AKR1C4: variants seen among roughly 807,000 people sequenced by gnomAD.
The protein encoded by AKR1C4 is 3-alpha-HSD1.
In AKR1C4, 44 loss-of-function variants were observed where a neutral mutation model predicts 41.0. That is an observed-to-expected ratio of 1.07 (90% CI 0.84 to 1.38). AKR1C4 has a LOEUF of 1.38. Ranked by LOEUF, AKR1C4 falls within the 40% of genes most tolerant of loss-of-function variation. The probability of loss-of-function intolerance (pLI) is 0.00; values close to 1 mark genes in which losing one functional copy is unlikely to be tolerated. For synonymous variants in AKR1C4, 165 were observed against 137.7 expected (o/e 1.20, Z -1.39); for missense variants, 438 against 387.9 (o/e 1.13, Z -1.09).
intron 8 of AKR1C4, among the ~76,000 whole-genome samples, chr10:5,217,571 C>A (rs2132143466): frequency 6.6e-6 from 1 of 152,234 alleles, no homozygotes; most frequent in Non-Finnish European, 1.5e-5. Context: ...ACCAGCCTGG[C>A]CAAAATGGCA....
At chr10:5,211,788 A>G (rs972752313) in intron 5 of AKR1C4, among the ~76,000 whole-genome samples, 14 of 152,152 alleles carry the variant, frequency 9.2e-5, no homozygotes, top group Non-Finnish European at 1.6e-4. Flanking sequence ...AAGAGTGGGG[A>G]AAAAGGGGAG....
intron 2 of AKR1C4, among the ~76,000 whole-genome samples, chr10:5,204,030 T>A (rs1025417600): frequency 1.3e-5 from 2 of 152,224 alleles, no homozygotes; most frequent in East Asian, 3.8e-4. Flanking sequence ...TGCTCTTCAG[T>A]TTCTAAACAG....
chr10:5,204,414 C>T lies in AKR1C4; in HGVS notation c.290C>T (p.Pro97Leu), dbSNP rs781961888. ...CTFFQPQMVQ[P>L]ALESSLKKLQ... ...TTCTTTCAACCACAGATGGTCCAAC[C>T]AGCCTTGGAAAGCTCACTGAAAAAA... The change falls in exon 3 of 9, where the codon CCA becomes CTA. Residue 97 changes from proline to leucine, a missense_variant. By Grantham distance (98) the Pro-to-Leu change is moderately conservative (BLOSUM62 -3). Transcript: ENST00000263126. 1.9e-6 allele frequency: 3 copies of T among 1,613,914 alleles called. No homozygotes were observed. Among genetic ancestry groups the T allele is most frequent in the Non-Finnish European group, 1.7e-6 (2 of 1,179,880 alleles).
At chr10:5,216,994 G>A (rs546156590) in intron 8 of AKR1C4, among the ~76,000 whole-genome samples, 1 of 152,284 alleles carries the variant, frequency 6.6e-6, no homozygotes, top group East Asian at 1.9e-4. Flanking sequence ...GTCAGCATCG[G>A]TCAACCTGTG....
intron 4 of AKR1C4, 76 bp from the exon 5 acceptor site, chr10:5,206,199 T>C: frequency 6.2e-7 from 1 of 1,600,848 alleles, no homozygotes. Context: ...GTTGTTGCTT[T>C]AACAGTTCTG....
At chr10:5,206,452 T>C in intron 5 of AKR1C4, 55 bp downstream of exon 5, 2 of 1,609,322 alleles carry the variant, frequency 1.2e-6, no homozygotes, top group South Asian at 2.2e-5. Flanking sequence ...CTTCCTGTCC[T>C]ACTGCCTGGC....
chr10:5,200,608 T>A (rs529736208), intron 2 of AKR1C4, among the ~76,000 whole-genome samples: 1 of 152,344 alleles, frequency 6.6e-6, no homozygotes, highest in Non-Finnish European at 1.5e-5. Flanking sequence ...ATTTTATGAA[T>A]TCATATTTTA....
In AKR1C4 at chr10:5,213,135, G is replaced by A. The variant is rs888966582; in HGVS notation, c.822G>A (p.Glu274=). Residue 274 remains glutamate, a synonymous_variant, in exon 7 of 9, where the codon GAG becomes GAA. Coordinates refer to ENST00000263126, the MANE Select transcript of AKR1C4 (RefSeq NM_001818.5). ...GVVVLAKSYN[E]QRIRENIQVF... ...TGGTCCTGGCCAAGAGCTACAATGA[G>A]CAGCGGATCAGAGAGAACATCCAGG... is the stretch of plus-strand genomic sequence containing the variant. 6.2e-7 allele frequency: 1 copy of A among 1,613,956 alleles called. No individual in the cohort carries two copies. The highest frequency in any genetic ancestry group is 8.5e-7 in the Non-Finnish European group (1 of 1,180,026).
At chr10:5,211,955 T>C (rs1402942984) in intron 5 of AKR1C4, among the ~76,000 whole-genome samples, 1 of 152,150 alleles carries the variant, frequency 6.6e-6, no homozygotes, top group South Asian at 2.1e-4. Context: ...GAGAGACTTA[T>C]TCACTATCAT....
chr10:5,206,192 G>T (rs894961386), intron 4 of AKR1C4, 83 bp from the exon 5 acceptor site: 1 of 1,591,244 alleles, frequency 6.3e-7, no homozygotes, highest in Non-Finnish European at 8.6e-7. Flanking sequence ...CTTAACAGTT[G>T]TTGCTTTAAC....
intron 7 of AKR1C4, 55 bp downstream of exon 7, chr10:5,213,214 T>C: frequency 6.3e-7 from 1 of 1,598,754 alleles, no homozygotes; most frequent in Non-Finnish European, 8.5e-7. Context: ...ACACGTGTGC[T>C]TCTTGTAAGG....
intron 8 of AKR1C4, 141 bp from the exon 9 acceptor site, chr10:5,218,577 A>G: frequency 1.7e-6 from 1 of 597,740 alleles, no homozygotes; most frequent in Non-Finnish European, 2.9e-6. Flanking sequence ...ACTCATGTTC[A>G]TGAAAGACAT....
chr10:5,204,427 C>T lies in AKR1C4; in HGVS notation c.303C>T (p.Ser101=). 6.2e-7 allele frequency: 1 copy of T among 1,614,046 alleles called. No individual in the cohort carries two copies. Among genetic ancestry groups the T allele is most frequent in the Middle Eastern group, 1.7e-4 (1 of 6,060 alleles). Residue 101 remains serine (S), a synonymous_variant, in exon 3 of 9, where the codon AGC becomes AGT. Coordinates refer to ENST00000263126, the MANE Select transcript of AKR1C4 (RefSeq NM_001818.5). The part of the protein sequence containing the change: ...QPQMVQPALE[S]SLKKLQLDYV... ...AGATGGTCCAACCAGCCTTGGAAAG[C>T]TCACTGAAAAAACTTCAACTGGACT...
chr10:5,197,440 A>G (rs1179528761), intron 1 of AKR1C4, among the ~76,000 whole-genome samples: 1 of 152,230 alleles, frequency 6.6e-6, no homozygotes, highest in East Asian at 1.9e-4. Context: ...CTTGAGCATG[A>G]CACAGTAATA....
At chr10:5,218,360 A>T (rs888786045) in intron 8 of AKR1C4, among the ~76,000 whole-genome samples, 3 of 152,204 alleles carry the variant, frequency 2.0e-5, no homozygotes, top group Non-Finnish European at 4.4e-5. Context: ...TAGCTGGCTT[A>T]TTTCTATTCA....
At chr10:5,200,783 T>G (rs1832389065) in intron 2 of AKR1C4, among the ~76,000 whole-genome samples, 1 of 152,130 alleles carries the variant, frequency 6.6e-6, no homozygotes, top group Non-Finnish European at 1.5e-5. Context: ...CACTGAGTCT[T>G]GAAAGTTCAT....
rs143309083 is a variant in AKR1C4 at position 5,218,013 on chromosome 10, CTT to C, written c.930-703_930-702del. Among the ~76,000 whole-genome samples, 634 of 152,156 alleles carry C rather than the reference CTT, an allele frequency of 4.2e-3. 2 individuals are homozygous for C. Among genetic ancestry groups the C allele is most frequent in the African/African-American group, 0.014 (584 of 41,504 alleles). On this transcript the variant is annotated intron_variant, in intron 8 of 8. Transcript: ENST00000263126. The stretch of plus-strand genomic sequence containing the variant: ...TAAGAACTCAAACATTTTTAGATAT[CTT>C]TATTAGTTTAGAGGAAAATAGTAAA...
Position 5,204,390 on chromosome 10 carries a change from T to A in AKR1C4, c.266T>A (p.Phe89Tyr). The change falls in exon 3 of 9, where the codon TTC (phenylalanine) becomes TAC (tyrosine). Residue 89 changes from phenylalanine to tyrosine, a missense_variant. Phe to Tyr is a conservative substitution (Grantham distance 22). Transcript: ENST00000263126. ...IFYTSKLWCTFFQPQMVQPAL... is the reference protein window; with the variant it reads ...IFYTSKLWCTYFQPQMVQPAL... ...TTTACCATGCAGCTTTGGTGCACTT[T>A]CTTTCAACCACAGATGGTCCAACCA... The A allele has an allele frequency of 6.2e-7, 1 of 1,613,614 alleles. No individual in the cohort carries two copies. Among genetic ancestry groups the A allele is most frequent in the East Asian group, 2.2e-5 (1 of 44,860 alleles).
chr10:5,210,521 C>G (rs1351963362), intron 5 of AKR1C4, among the ~76,000 whole-genome samples: 3 of 152,284 alleles, frequency 2.0e-5, no homozygotes, highest in South Asian at 4.1e-4. Flanking sequence ...GAGTGCATGC[C>G]TAGTGGTAAA....
Sources: gnomAD v4.1 joint callset for allele counts (sites outside exome capture counted in the v4.1 genomes callset) on GRCh38, gnomAD v4.1.1 for gene constraint, MANE v1.5 for transcripts, NCBI Gene and HGNC (gene_info 2026-07-23, HGNC 2026-07-21) for gene names.